LOC128462377: variants seen among roughly 807,000 people sequenced by gnomAD.
the LOC128462377 span, among the ~76,000 whole-genome samples, chr16:89,392,073 T>G: frequency 9.9e-5 from 15 of 152,138 alleles, no homozygotes; most frequent in Non-Finnish European, 8.8e-5. Context: ...TCTAAGTTGC[T>G]AGCCAATCGG....
the LOC128462377 span, among the ~76,000 whole-genome samples, chr16:89,402,369 G>C: frequency 4.6e-5 from 7 of 152,126 alleles, no homozygotes; most frequent in South Asian, 1.4e-3. Flanking sequence ...CTGGGATTGA[G>C]CGCTTATTTA....
the LOC128462377 span, among the ~76,000 whole-genome samples, chr16:89,353,915 T>C: frequency 2.0e-5 from 3 of 152,218 alleles, no homozygotes; most frequent in Non-Finnish European, 2.9e-5. Flanking sequence ...GCGTGGGGCA[T>C]GTCTGCCACA....
the LOC128462377 span, among the ~76,000 whole-genome samples, chr16:89,388,202 T>C: frequency 6.6e-6 from 1 of 151,490 alleles, no homozygotes; most frequent in Non-Finnish European, 1.5e-5. Flanking sequence ...ACCAGACTAT[T>C]CACCACCACA....
the LOC128462377 span, among the ~76,000 whole-genome samples, chr16:89,399,440 A>ACAT: frequency 6.6e-6 from 1 of 152,180 alleles, no homozygotes. Flanking sequence ...TCCGACTCTG[A>ACAT]CATCCAGGAA....
At chr16:89,417,237 A>C in the LOC128462377 span, among the ~76,000 whole-genome samples, 175 of 152,336 alleles carry the variant, frequency 1.1e-3, no homozygotes, top group African/African-American at 4.1e-3. Context: ...GAAGCTCCCG[A>C]AAGAAGCTGC....
At chr16:89,371,056 G>A in the LOC128462377 span, among the ~76,000 whole-genome samples, 1 of 152,148 alleles carries the variant, frequency 6.6e-6, no homozygotes, top group Non-Finnish European at 1.5e-5. Flanking sequence ...CATGACGAAG[G>A]GGACTTGTTC....
chr16:89,412,449 C>T, the LOC128462377 span: 24 of 152,696 alleles, frequency 1.6e-4, no homozygotes, highest in African/African-American at 5.5e-4. Flanking sequence ...CTTCCTCCTA[C>T]CTTCCTCTTC....
chr16:89,364,822 T>C, the LOC128462377 span, among the ~76,000 whole-genome samples: 1 of 152,174 alleles, frequency 6.6e-6, no homozygotes, highest in Non-Finnish European at 1.5e-5. Context: ...AGTGGAAGCT[T>C]GCTCAGCACC....
At chr16:89,367,929 A>G in the LOC128462377 span, among the ~76,000 whole-genome samples, 1 of 152,150 alleles carries the variant, frequency 6.6e-6, no homozygotes, top group African/African-American at 2.4e-5. Flanking sequence ...ACTTGAGCCC[A>G]GGAGGTCAAG....
At chr16:89,408,529 T>G in the LOC128462377 span, among the ~76,000 whole-genome samples, 1 of 152,194 alleles carries the variant, frequency 6.6e-6, no homozygotes, top group Admixed American at 6.5e-5. Flanking sequence ...GCCAGCTGCA[T>G]CTGGCAGGAG....
the LOC128462377 span, among the ~76,000 whole-genome samples, chr16:89,368,170 C>A: frequency 3.9e-5 from 6 of 151,984 alleles, no homozygotes; most frequent in African/African-American, 1.2e-4. Flanking sequence ...ACAATTCCAA[C>A]ATACTCTGTC....
chr16:89,377,000 G>T, the LOC128462377 span, among the ~76,000 whole-genome samples: 534 of 152,338 alleles, frequency 3.5e-3, 1 homozygote, highest in Non-Finnish European at 5.5e-3. Context: ...AGGCTGGAAA[G>T]AACCCCTTTT....
chr16:89,367,778 T>C, the LOC128462377 span, among the ~76,000 whole-genome samples: 1 of 152,156 alleles, frequency 6.6e-6, no homozygotes, highest in Non-Finnish European at 1.5e-5. Context: ...CTGCTGCCTC[T>C]TGCAAACTAT....
the LOC128462377 span, among the ~76,000 whole-genome samples, chr16:89,336,486 G>A: frequency 6.6e-6 from 1 of 152,222 alleles, no homozygotes; most frequent in Non-Finnish European, 1.5e-5. Context: ...GAGTCCAGGA[G>A]GACTCCTGTA....
At chr16:89,405,544 G>C in the LOC128462377 span, among the ~76,000 whole-genome samples, 2 of 149,930 alleles carry the variant, frequency 1.3e-5, no homozygotes. Context: ...ATGTTGTCCG[G>C]GCTGGTCTCG....
the LOC128462377 span, among the ~76,000 whole-genome samples, chr16:89,335,744 G>A: frequency 5.3e-5 from 8 of 152,344 alleles, no homozygotes; most frequent in African/African-American, 1.4e-4. Flanking sequence ...ATCACTGACC[G>A]TGACAGGCCC....
the LOC128462377 span, among the ~76,000 whole-genome samples, chr16:89,388,984 G>A: frequency 6.6e-6 from 1 of 152,202 alleles, no homozygotes; most frequent in Non-Finnish European, 1.5e-5. Context: ...CACATAATGA[G>A]GTAAAATTCA....
the LOC128462377 span, among the ~76,000 whole-genome samples, chr16:89,382,573 T>A: frequency 6.6e-6 from 1 of 152,040 alleles, no homozygotes; most frequent in Non-Finnish European, 1.5e-5. Flanking sequence ...GTGATCCACC[T>A]TGATCCATCC....
At chr16:89,336,067 T>C in the LOC128462377 span, among the ~76,000 whole-genome samples, 1 of 152,212 alleles carries the variant, frequency 6.6e-6, no homozygotes, top group East Asian at 1.9e-4. Context: ...TTCCTGCCAG[T>C]TGGTTTGAAA....
Sources: allele counts gnomAD v4.1 joint callset (sites outside exome capture counted in the v4.1 genomes callset), GRCh38; gene constraint gnomAD v4.1.1; transcripts MANE v1.5.